Variants in FARS2 observed in about 807,000 individuals in gnomAD.
The protein encoded by FARS2 is phenylalanine--tRNA ligase, mitochondrial.
A neutral mutation model predicts 46.4 loss-of-function variants in FARS2; 40 were observed. The observed-to-expected ratio is 0.86, with a 90% CI of 0.67 to 1.12. The LOEUF (loss-of-function observed/expected upper bound fraction) is 1.12, where lower values mean the gene tolerates loss of function less well. Among genes scored for constraint, FARS2 ranks in the 50% most tolerant of loss-of-function variants. The probability of loss-of-function intolerance (pLI) is 0.00; values close to 1 mark genes in which losing one functional copy is unlikely to be tolerated. For missense variants in FARS2, 513 were observed against 567.9 expected, an observed-to-expected ratio of 0.90 and a Z score of 0.98; for synonymous variants, 234 against 214.9, an observed-to-expected ratio of 1.09 and a Z score of -0.78.
chr6:5,442,880 T>C lies in FARS2; in HGVS notation c.904+11708T>C, dbSNP rs74554125. On this transcript the variant is annotated intron_variant, in intron 4 of 6. Coordinates refer to ENST00000274680, the MANE Select transcript of FARS2 (RefSeq NM_006567.5). ...CACACCAGGCCTCTGGTATTTCCAT[T>C]ACTGTAATAAAAATAAAGGCTTTGG... Among the ~76,000 whole-genome samples, 634 of 152,302 alleles carry C rather than the reference T, an allele frequency of 4.2e-3. 8 individuals carry two copies. The highest frequency in any genetic ancestry group is 0.018 in the East Asian group (95 of 5,184).
rs190712413 is a variant in FARS2, at chr6:5,404,625, C to T, written c.696C>T (p.Thr232=). The T allele has an allele frequency of 5.1e-5, 82 of 1,613,394 alleles. No individual in the cohort carries two copies. Among genetic ancestry groups the T allele is most frequent in the Non-Finnish European group, 1.9e-5 (23 of 1,179,550 alleles). Residue 232 remains threonine, a synonymous_variant, in exon 3 of 7, where the codon ACC becomes ACT. Coordinates refer to ENST00000274680, the MANE Select transcript of FARS2 (RefSeq NM_006567.5). ...SRSAHKQETH[T]MEAVKLVEFD... is the part of the protein sequence containing the mutation. Reference sequence around the variant, plus strand: ...CTGCGCATAAACAAGAGACACACACCATGGAGGCCGTGAAGCTTGTAGAGT... The same window carrying T: ...CTGCGCATAAACAAGAGACACACACTATGGAGGCCGTGAAGCTTGTAGAGT...
chr6:5,448,365 C>T (rs145235287), intron 4 of FARS2, among the ~76,000 whole-genome samples: 1 of 152,274 alleles, frequency 6.6e-6, no homozygotes, highest in Non-Finnish European at 1.5e-5. Flanking sequence ...CTCCCTCCCA[C>T]TGCTTTCATG....
intron 6 of FARS2, among the ~76,000 whole-genome samples, chr6:5,757,463 C>T (rs574944812): frequency 2.6e-5 from 4 of 152,062 alleles, no homozygotes; most frequent in South Asian, 2.1e-4. Flanking sequence ...CAAAAAAAAA[C>T]TGTGCCCTTG....
At chr6:5,417,635 T>C (rs1022260401) in intron 3 of FARS2, among the ~76,000 whole-genome samples, 1 of 152,230 alleles carries the variant, frequency 6.6e-6, no homozygotes, top group Admixed American at 6.5e-5. Flanking sequence ...CTGTACATAA[T>C]GTGTCTCTTC....
At chr6:5,306,216 C>T (rs527292623) in intron 1 of FARS2, among the ~76,000 whole-genome samples, 11 of 152,282 alleles carry the variant, frequency 7.2e-5, no homozygotes, top group South Asian at 6.2e-4. Context: ...CTTTCCAGAA[C>T]CCCTCACCCC....
intron 1 of FARS2, among the ~76,000 whole-genome samples, chr6:5,284,371 T>C (rs775909674): frequency 6.6e-6 from 1 of 152,306 alleles, no homozygotes; most frequent in African/African-American, 2.4e-5. Flanking sequence ...TTAACTTTGG[T>C]CCAATGTCTG....
At chr6:5,582,729 C>T (rs1165943625) in intron 5 of FARS2, among the ~76,000 whole-genome samples, 1 of 152,154 alleles carries the variant, frequency 6.6e-6, no homozygotes, top group Non-Finnish European at 1.5e-5. Flanking sequence ...TCAGATTTCA[C>T]CAAATTAAAA....
At chr6:5,279,204 C>T (rs571003087) in intron 1 of FARS2, among the ~76,000 whole-genome samples, 2 of 151,752 alleles carry the variant, frequency 1.3e-5, no homozygotes, top group South Asian at 2.1e-4. Flanking sequence ...GGTGAAACCC[C>T]GTCTCTACTA....
At position 5,764,504 on chromosome 6, in the gene FARS2, C is replaced by T. The variant is rs1173033516; in HGVS notation, c.1218-6787C>T. The stretch of plus-strand genomic sequence containing the variant: ...GCTTCTGCATCAGACAAGCAGGAGA[C>T]AGATGAGGAGTGAGCCGGGGAAACC... On this transcript the variant is annotated intron_variant, in intron 6 of 6. Transcript: ENST00000274680. The surrounding 1 kb of genome is among the most constrained non-coding windows in gnomAD (Gnocchi z 4.1). Among the ~76,000 whole-genome samples the T allele has an allele frequency of 6.6e-6, 1 of 152,104 alleles. No individual in the cohort carries two copies. The highest frequency in any genetic ancestry group is 6.5e-5 in the Admixed American group (1 of 15,270).
chr6:5,612,260 A>G (rs1419414330), intron 5 of FARS2, among the ~76,000 whole-genome samples: 1 of 152,242 alleles, frequency 6.6e-6, no homozygotes, highest in Non-Finnish European at 1.5e-5. Context: ...TCAATGATTC[A>G]CCAAAGGGTT....
chr6:5,563,623 C>G (rs1209166281), intron 5 of FARS2, among the ~76,000 whole-genome samples: 1 of 152,104 alleles, frequency 6.6e-6, no homozygotes, highest in Admixed American at 6.6e-5. Flanking sequence ...GGAACAGTAG[C>G]TAGGGCTCCT....
intron 6 of FARS2, among the ~76,000 whole-genome samples, chr6:5,733,946 A>G (rs1251455749): frequency 6.6e-6 from 1 of 152,234 alleles, no homozygotes. Flanking sequence ...AATTAAATGA[A>G]TGGATATATG....
At chr6:5,276,710 A>G (rs188762596) in intron 1 of FARS2, among the ~76,000 whole-genome samples, 1 of 152,160 alleles carries the variant, frequency 6.6e-6, no homozygotes, top group Non-Finnish European at 1.5e-5. Flanking sequence ...TTCCCTGGGC[A>G]GTAGGAGACT....
intron 4 of FARS2, among the ~76,000 whole-genome samples, chr6:5,514,057 GA>G (rs1488131972): frequency 6.7e-6 from 1 of 148,462 alleles, no homozygotes; most frequent in African/African-American, 2.5e-5. Context: ...GTAAAGTAGG[GA>G]AAAAATAGAA....
chr6:5,489,595 C>T (rs560766551), intron 4 of FARS2, among the ~76,000 whole-genome samples: 8 of 152,270 alleles, frequency 5.3e-5, no homozygotes, highest in Non-Finnish European at 1.0e-4. Flanking sequence ...TCAGTTCAAC[C>T]CTTGTAATAT....
intron 6 of FARS2, among the ~76,000 whole-genome samples, chr6:5,648,854 G>T (rs919936901): frequency 1.3e-5 from 2 of 152,194 alleles, no homozygotes; most frequent in Non-Finnish European, 2.9e-5. Flanking sequence ...TGGGAAGAAG[G>T]ATTTTGTCTC....
At chr6:5,715,489 C>T (rs1169311802) in intron 6 of FARS2, among the ~76,000 whole-genome samples, 2 of 152,192 alleles carry the variant, frequency 1.3e-5, no homozygotes, top group South Asian at 2.1e-4. Context: ...TTGTTCCTGA[C>T]ACCACAGCCC....
intron 4 of FARS2, among the ~76,000 whole-genome samples, chr6:5,522,160 G>T (rs1451778372): frequency 6.6e-6 from 1 of 152,184 alleles, no homozygotes; most frequent in Admixed American, 6.5e-5. Context: ...CCAGTGTGGA[G>T]TCCACCATGC....
chr6:5,677,207 T>C (rs1270334240), intron 6 of FARS2, among the ~76,000 whole-genome samples: 1 of 152,250 alleles, frequency 6.6e-6, no homozygotes, highest in Non-Finnish European at 1.5e-5. Context: ...TCTTGCTTTC[T>C]TTTTATATTG....
Sources: gnomAD v4.1 joint callset for allele counts (sites outside exome capture counted in the v4.1 genomes callset) on GRCh38, gnomAD v4.1.1 for gene constraint, Gnocchi (gnomAD v3.1) non-coding constraint, MANE v1.5 for transcripts, NCBI Gene and HGNC (gene_info 2026-07-23, HGNC 2026-07-21) for gene names.